The following THBS1 variants were observed in gnomAD, a reference collection of about 807,000 sequenced individuals.
The protein encoded by THBS1 is thrombospondin-1.
Under a neutral mutation model 126.1 loss-of-function variants are expected in THBS1, and 29 were observed. The observed-to-expected ratio is 0.23, with a 90% CI of 0.17 to 0.31. THBS1 has a LOEUF of 0.31. THBS1 is among the 10% of genes least tolerant of loss of function. The pLI is 1.00. For missense variants in THBS1, 1,198 were observed against 1,545.2 expected, an observed-to-expected ratio of 0.78 and a Z score of 3.77; for synonymous variants, 496 against 577.8, an observed-to-expected ratio of 0.86 and a Z score of 2.03.
In THBS1 at chr15:39,595,590, A is replaced by G. The variant is rs994218273; in HGVS notation, c.*221A>G. 4 of 634,198 alleles carry G rather than the reference A, an allele frequency of 6.3e-6. No homozygotes were observed. The African/African-American group carries it at 7.3e-5, about 12-fold the overall frequency. 39.3% of individuals were successfully genotyped at this position (634,198 alleles called of 1,614,324 possible). On this transcript the variant is annotated 3_prime_UTR_variant, in exon 22 of 22. Transcript: ENST00000260356. ...GCCTCCAATGAATAAGACATCTTCCAAGCATATAAACAATTGCTTTGGTTT... is the reference window on the plus strand; with the variant it reads ...GCCTCCAATGAATAAGACATCTTCCGAGCATATAAACAATTGCTTTGGTTT...
Position 39,592,866 on chromosome 15 carries a change from T to A in THBS1, c.2767+64T>A. 1 of 1,571,492 alleles carries A rather than the reference T, an allele frequency of 6.4e-7. No homozygotes were observed. Among genetic ancestry groups the A allele is most frequent in the South Asian group, 1.2e-5 (1 of 85,726 alleles). ...GGCACAGCTGTGTAGATTGAAGAAA[T>A]GAAACCAAGGCTCAAAGCATTTGAC... is the stretch of plus-strand genomic sequence containing the variant. On this transcript the variant is annotated intron_variant, in intron 17 of 21. Coordinates refer to ENST00000260356, the MANE Select transcript of THBS1 (RefSeq NM_003246.4). The surrounding 1 kb of genome is among the most constrained non-coding windows in gnomAD (Gnocchi z 4.3).
chr15:39,592,855 G>C lies in THBS1; in HGVS notation c.2767+53G>C. ...CAGGGACTGCTGGCACAGCTGTGTA[G>C]ATTGAAGAAATGAAACCAAGGCTCA... On this transcript the variant is annotated intron_variant, in intron 17 of 21. Coordinates refer to ENST00000260356, the MANE Select transcript of THBS1 (RefSeq NM_003246.4). This position sits in a 1 kb window ranked among gnomAD's most constrained non-coding sequence, Gnocchi z 4.3. 1 of 1,580,986 alleles carries C rather than the reference G, an allele frequency of 6.3e-7. No individual in the cohort carries two copies. The highest frequency in any genetic ancestry group is 8.6e-7 in the Non-Finnish European group (1 of 1,158,408).
intron 9 of THBS1, 130 bp downstream of exon 9, chr15:39,588,348 G>T: frequency 7.7e-7 from 1 of 1,305,532 alleles, no homozygotes; most frequent in South Asian, 1.5e-5. Flanking sequence ...ACAAACAGAA[G>T]CAAAGTCCTG....
At position 39,587,624 on chromosome 15, in the gene THBS1, TCTCTGGATCC is replaced by T. The variant is rs1199333819; in HGVS notation, c.1294+106_1294+115del. The T allele has an allele frequency of 2.4e-6, 3 of 1,230,972 alleles. No individual in the cohort carries two copies. The African/African-American group carries it at 4.5e-5, about 19-fold the overall frequency. 76.3% of individuals were successfully genotyped at this position (1,230,972 alleles called of 1,614,324 possible). On this transcript the variant is annotated intron_variant, in intron 8 of 21. Coordinates refer to ENST00000260356, the MANE Select transcript of THBS1 (RefSeq NM_003246.4). Reference sequence around the variant, plus strand: ...TATATTAAGAACACGGGTTCTAGGATCTCTGGATCCCAATCCCACTGCTTAGCTGTGCACC... The same window carrying T: ...TATATTAAGAACACGGGTTCTAGGATCAATCCCACTGCTTAGCTGTGCACC...
chr15:39,583,949 A>C (rs368239596), intron 4 of THBS1, 39 bp from the exon 5 acceptor site: 1 of 1,608,712 alleles, frequency 6.2e-7, no homozygotes, highest in African/African-American at 1.3e-5. Context: ...CTGGTTGGTA[A>C]GAGTATCTAT....
At position 39,584,407 on chromosome 15, in the gene THBS1, T is replaced by G. The variant is rs762228215; in HGVS notation, c.1011T>G (p.Thr337=). The change falls in exon 6 of 22, where the codon ACT becomes ACG. Residue 337 remains threonine (T), a synonymous_variant. Transcript: ENST00000260356. ...AGGAATGGACTGTTGATAGCTGCACTGAGTGTCACTGTCAGGTAAGGGACC... is the reference window on the plus strand; with the variant it reads ...AGGAATGGACTGTTGATAGCTGCACGGAGTGTCACTGTCAGGTAAGGGACC... ...NNEEWTVDSC[T]ECHCQNSVTI... The G allele has an allele frequency of 9.3e-6, 15 of 1,614,204 alleles. No individual in the cohort carries two copies. The highest frequency in any genetic ancestry group is 1.2e-5 in the Non-Finnish European group (14 of 1,180,016).
intron 7 of THBS1, chr15:39,587,087 C>T (rs148058080): frequency 3.4e-6 from 1 of 298,076 alleles, no homozygotes; most frequent in African/African-American, 2.1e-5. Context: ...CTTAAGTCAT[C>T]ACCAAAAAAA....
At position 39,595,470 on chromosome 15, in the gene THBS1, G is replaced by T; in HGVS notation, c.*101G>T. On this transcript the variant is annotated 3_prime_UTR_variant, in exon 22 of 22. Transcript: ENST00000260356. The stretch of plus-strand genomic sequence containing the variant: ...AAACCCCCAGGATCACTTCTCCTTG[G>T]CTTCCTTCTTTTCTGTGCTTGCATC... 2 of 1,424,538 alleles carry T rather than the reference G, an allele frequency of 1.4e-6. No individual in the cohort carries two copies. Among genetic ancestry groups the T allele is most frequent in the Non-Finnish European group, 1.9e-6 (2 of 1,070,262 alleles). 88.2% of individuals were successfully genotyped at this position (1,424,538 alleles called of 1,614,324 possible). A position where few individuals can be genotyped will look rare whatever the true frequency, so the allele number is the denominator to read the frequency against.
chr15:39,582,297 G>A lies in THBS1; in HGVS notation c.172G>A (p.Ala58Thr), dbSNP rs757684287. The A allele has an allele frequency of 6.2e-7, 1 of 1,614,230 alleles. No homozygotes were observed. Among genetic ancestry groups the A allele is most frequent in the South Asian group, 1.1e-5 (1 of 91,092 alleles). Residue 58 changes from alanine (A) to threonine (T), a missense_variant, in exon 3 of 22, where the codon GCT becomes ACT. Physicochemically the swap from Ala to Thr is moderately conservative, Grantham distance 58 (BLOSUM62 0). Around this residue, in one of 4 missense-constraint regions of THBS1, gnomAD observed 271 missense variants for 277.0 expected, o/e 0.98. Coordinates refer to ENST00000260356, the MANE Select transcript of THBS1 (RefSeq NM_003246.4). ...LVKGPDPSSP[A>T]FRIEDANLIP... ...GAAGGGCCCCGACCCTTCCAGCCCA[G>A]CTTTCCGCATCGAGGATGCCAACCT... is the stretch of plus-strand genomic sequence containing the variant.
intron 2 of THBS1, 125 bp downstream of exon 2, chr15:39,582,049 A>T: frequency 7.5e-7 from 1 of 1,332,608 alleles, no homozygotes; most frequent in Non-Finnish European, 1.0e-6. Context: ...ACGCAGCTTC[A>T]CTCTGATCCT....
At chr15:39,588,294 G>A (rs985901316) in intron 9 of THBS1, 76 bp downstream of exon 9, 2 of 1,527,358 alleles carry the variant, frequency 1.3e-6, no homozygotes, top group Non-Finnish European at 1.8e-6. Context: ...TCTGCAGCCT[G>A]CAGTTCAGTG....
Position 39,588,022 on chromosome 15 carries a change from C to T in THBS1, c.1295-20C>T, listed in dbSNP as rs779626237. On this transcript the variant is annotated intron_variant, in intron 8 of 21. Coordinates refer to ENST00000260356, the MANE Select transcript of THBS1 (RefSeq NM_003246.4). Reference sequence around the variant, plus strand: ...GTCTCTAAGCCAAAACCATTTGTGACCATCAACTCTGTACTTTAGTTAAAC... The same window carrying T: ...GTCTCTAAGCCAAAACCATTTGTGATCATCAACTCTGTACTTTAGTTAAAC... 1.2e-6 allele frequency: 2 copies of T among 1,608,146 alleles called. No homozygotes were observed. Among genetic ancestry groups the T allele is most frequent in the South Asian group, 1.1e-5 (1 of 90,250 alleles).
chr15:39,588,834 T>G, intron 10 of THBS1, 125 bp from the exon 11 acceptor site: 1 of 1,588,648 alleles, frequency 6.3e-7, no homozygotes, highest in Non-Finnish European at 8.6e-7. Context: ...GTGGACAACA[T>G]AATCCCAACA....
rs548944691 is a variant in THBS1, at chr15:39,595,894, G to A, written c.*525G>A. 5.5e-5 allele frequency: 25 copies of A among 455,082 alleles called. No individual in the cohort carries two copies. The highest frequency in any genetic ancestry group is 1.4e-4 in the Admixed American group (6 of 42,560). The allele number at this position is 455,082 out of a possible 1,614,324, so 28.2% of individuals were successfully genotyped here. On this transcript the variant is annotated 3_prime_UTR_variant, in exon 22 of 22. Transcript: ENST00000260356. The stretch of plus-strand genomic sequence containing the variant: ...ATATGGAGGAACTGTTACATGTTCG[G>A]TACTAAGTCATTTTCAGGGGATTGA...
chr15:39,595,001 G>C (rs915395375), intron 21 of THBS1, among the ~76,000 whole-genome samples: 1 of 152,130 alleles, frequency 6.6e-6, no homozygotes, highest in African/African-American at 2.4e-5. Context: ...ACTGGGCCAA[G>C]GCCAGATACC....
intron 1 of THBS1, 59 bp from the exon 2 acceptor site, chr15:39,581,770 C>G: frequency 8.7e-7 from 1 of 1,150,588 alleles, no homozygotes; most frequent in Middle Eastern, 2.1e-4. Flanking sequence ...CGTTTCTGCG[C>G]ACCGTCCCTC....
rs1456890923 is a variant in THBS1, at chr15:39,597,259, G to GT, written c.*1896dup. On this transcript the variant is annotated 3_prime_UTR_variant, in exon 22 of 22. Transcript: ENST00000260356. Reference sequence around the variant, plus strand: ...TGCACACTGAATTGAAGAATTGTTGGTTTTTTCTTTTTTTTGTTTTGTTTT... The same window carrying GT: ...TGCACACTGAATTGAAGAATTGTTGGTTTTTTTCTTTTTTTTGTTTTGTTTT... 3 of 75,376 alleles carry GT rather than the reference G, an allele frequency of 4.0e-5. No homozygotes were observed. The highest frequency in any genetic ancestry group is 1.5e-4 in the African/African-American group (3 of 20,008). The allele number at this position is 75,376 out of a possible 1,614,324, so 4.7% of individuals were successfully genotyped here.
At position 39,599,081 on chromosome 15, in the gene THBS1, A is replaced by C. The variant is rs1890550391; in HGVS notation, c.*3712A>C. The C allele has an allele frequency of 6.6e-6, 1 of 152,134 alleles. No individual in the cohort carries two copies. The highest frequency in any genetic ancestry group is 1.5e-5 in the Non-Finnish European group (1 of 68,034). 9.4% of individuals were successfully genotyped at this position (152,134 alleles called of 1,614,324 possible). On this transcript the variant is annotated 3_prime_UTR_variant, in exon 22 of 22. Transcript: ENST00000260356. ...GCTGGGACTACAAGCGCCCGCCACC[A>C]AGCCTGGCTAATTCTGTATTTTTAG... is the stretch of plus-strand genomic sequence containing the variant.
chr15:39,590,037 C>T lies in THBS1; in HGVS notation c.2145+14C>T, dbSNP rs987502417. 1 of 1,562,480 alleles carries T rather than the reference C, an allele frequency of 6.4e-7. No individual in the cohort carries two copies. The highest frequency in any genetic ancestry group is 1.4e-5 in the African/African-American group (1 of 73,716). On this transcript the variant is annotated intron_variant, in intron 13 of 21. Coordinates refer to ENST00000260356, the MANE Select transcript of THBS1 (RefSeq NM_003246.4). ...CACTGCAAAAAGGTAGAGCCAGGTC[C>T]TTTGTGTGCCTCCAGAAAGAGGGCC...
Sources: allele counts gnomAD v4.1 joint callset (sites outside exome capture counted in the v4.1 genomes callset), GRCh38; gene constraint gnomAD v4.1.1; regional missense constraint gnomAD v4.1.1; non-coding constraint Gnocchi (gnomAD v3.1); transcripts MANE v1.5; gene names NCBI Gene and HGNC (gene_info 2026-07-23, HGNC 2026-07-21).